The following GPC5 variants were observed in gnomAD, a reference collection of about 807,000 sequenced individuals.
GPC5 encodes the protein glypican-5.
GPC5 carries 47 observed loss-of-function variants against 53.9 expected under a neutral mutation model. The observed-to-expected ratio is 0.87, with a 90% CI of 0.69 to 1.11. The LOEUF (loss-of-function observed/expected upper bound fraction) is 1.11. Among genes scored for constraint, GPC5 ranks in the 50% most tolerant of loss-of-function variants. GPC5 has a pLI of 0.00. For synonymous variants in GPC5, 286 were observed against 263.3 expected (o/e 1.09, Z -0.84); for missense variants, 748 against 713.1 (o/e 1.05, Z -0.56).
intron 7 of GPC5, among the ~76,000 whole-genome samples, chr13:92,269,267 A>G (rs1200991013): frequency 1.3e-5 from 2 of 152,160 alleles, no homozygotes; most frequent in Non-Finnish European, 2.9e-5. Flanking sequence ...ACTAAATTGA[A>G]ATACCCCAAT....
At chr13:91,917,667 T>C (rs1297661860) in intron 6 of GPC5, among the ~76,000 whole-genome samples, 1 of 152,236 alleles carries the variant, frequency 6.6e-6, no homozygotes, top group Admixed American at 6.5e-5. Context: ...TCAAGTTCAA[T>C]GTTCCACAGA....
chr13:92,750,248 G>A (rs2139323686), intron 7 of GPC5, among the ~76,000 whole-genome samples: 1 of 152,130 alleles, frequency 6.6e-6, no homozygotes, highest in South Asian at 2.1e-4. Context: ...CAATCATTTT[G>A]TAAACTGTAA....
At chr13:91,468,772 T>C (rs1302830476) in intron 2 of GPC5, among the ~76,000 whole-genome samples, 2 of 152,194 alleles carry the variant, frequency 1.3e-5, no homozygotes, top group African/African-American at 4.8e-5. Context: ...GTCTGATTAG[T>C]TTTATGTATT....
intron 6 of GPC5, among the ~76,000 whole-genome samples, chr13:92,123,101 A>G (rs1283970335): frequency 3.3e-5 from 5 of 152,152 alleles, no homozygotes. Flanking sequence ...GATAATTGTC[A>G]TGATAGAAGT....
At chr13:92,397,822 A>C (rs973056708) in intron 7 of GPC5, among the ~76,000 whole-genome samples, 28 of 152,176 alleles carry the variant, frequency 1.8e-4, no homozygotes, top group African/African-American at 6.5e-4. Context: ...TCACCTACAA[A>C]ATTTCATTTT....
intron 5 of GPC5, among the ~76,000 whole-genome samples, chr13:91,781,725 G>A (rs1457448480): frequency 6.6e-6 from 1 of 152,168 alleles, no homozygotes; most frequent in Non-Finnish European, 1.5e-5. Context: ...ATCCACCCGA[G>A]TGCATTCTTA....
chr13:92,442,449 A>G (rs1269576642), intron 7 of GPC5, among the ~76,000 whole-genome samples: 2 of 152,196 alleles, frequency 1.3e-5, no homozygotes, highest in Non-Finnish European at 2.9e-5. Flanking sequence ...AGGTATGCAG[A>G]GATCCTGGGA....
At chr13:92,104,617 C>T (rs1027457457) in intron 6 of GPC5, among the ~76,000 whole-genome samples, 6 of 152,102 alleles carry the variant, frequency 3.9e-5, no homozygotes, top group African/African-American at 1.4e-4. Flanking sequence ...AGAATCTAGT[C>T]TTAGTTGTCA....
At chr13:92,149,465 G>C (rs2041891897) in intron 7 of GPC5, among the ~76,000 whole-genome samples, 1 of 151,930 alleles carries the variant, frequency 6.6e-6, no homozygotes. Context: ...AGAATTTTTG[G>C]TTGATTAGAG....
At chr13:92,171,463 T>C (rs2139022190) in intron 7 of GPC5, among the ~76,000 whole-genome samples, 1 of 152,300 alleles carries the variant, frequency 6.6e-6, no homozygotes, top group Admixed American at 6.5e-5. Context: ...ACACACTTCC[T>C]GAAATAGTTG....
chr13:92,570,332 G>A (rs1882987205), intron 7 of GPC5, among the ~76,000 whole-genome samples: 1 of 151,870 alleles, frequency 6.6e-6, no homozygotes, highest in Admixed American at 6.6e-5. Flanking sequence ...ATGATCTGTG[G>A]TTAACATTTT....
intron 7 of GPC5, among the ~76,000 whole-genome samples, chr13:92,174,307 G>A (rs2042092276): frequency 6.6e-6 from 1 of 150,592 alleles, no homozygotes; most frequent in South Asian, 2.1e-4. Flanking sequence ...GGATCACGAG[G>A]TCAGGAAATT....
intron 7 of GPC5, among the ~76,000 whole-genome samples, chr13:92,182,910 C>T (rs1053910026): frequency 2.6e-5 from 4 of 151,864 alleles, no homozygotes; most frequent in Non-Finnish European, 2.9e-5. Flanking sequence ...TTAACACCTA[C>T]CCTTGATACA....
intron 7 of GPC5, among the ~76,000 whole-genome samples, chr13:92,338,856 T>TCTTTACAGTAA (rs1489376006): frequency 2.0e-5 from 3 of 152,116 alleles, no homozygotes; most frequent in Non-Finnish European, 4.4e-5. Context: ...GAATGTACAA[T>TCTTTACAGTAA]ATCAACAGTA....
At chr13:91,878,930 T>C (rs1405191790) in intron 5 of GPC5, among the ~76,000 whole-genome samples, 1 of 152,154 alleles carries the variant, frequency 6.6e-6, no homozygotes, top group Non-Finnish European at 1.5e-5. Flanking sequence ...GAAATAGGAC[T>C]CAGATCAATC....
intron 5 of GPC5, among the ~76,000 whole-genome samples, chr13:91,832,710 A>G (rs1399909719): frequency 6.6e-6 from 1 of 152,152 alleles, no homozygotes; most frequent in Non-Finnish European, 1.5e-5. Context: ...CAAAGACACA[A>G]CGTACCAGAA....
At chr13:92,641,520 T>G (rs1885594530) in intron 7 of GPC5, among the ~76,000 whole-genome samples, 1 of 152,192 alleles carries the variant, frequency 6.6e-6, no homozygotes, top group African/African-American at 2.4e-5. Context: ...TAGATGAAAA[T>G]ATTACTTTAG....
intron 6 of GPC5, among the ~76,000 whole-genome samples, chr13:91,909,688 T>C (rs760787465): frequency 1.3e-5 from 2 of 152,170 alleles, no homozygotes; most frequent in Non-Finnish European, 2.9e-5. Flanking sequence ...ATAATAAAGA[T>C]GGTGCTGTTC....
At chr13:92,107,827 A>G (rs1381797709) in intron 6 of GPC5, among the ~76,000 whole-genome samples, 1 of 152,188 alleles carries the variant, frequency 6.6e-6, no homozygotes, top group Non-Finnish European at 1.5e-5. Flanking sequence ...ATTACTAGAA[A>G]TGCTGCTCTA....
Sources: allele counts gnomAD v4.1 joint callset (sites outside exome capture counted in the v4.1 genomes callset), GRCh38; gene constraint gnomAD v4.1.1; transcripts MANE v1.5; gene names NCBI Gene and HGNC (gene_info 2026-07-23, HGNC 2026-07-21).